NFATC1: variants seen among roughly 807,000 people sequenced by gnomAD.
NFATC1 encodes the protein nuclear factor of activated T cells 1.
In NFATC1, 22 loss-of-function variants were observed where a neutral mutation model predicts 76.0. The observed-to-expected ratio is 0.29, with a 90% CI of 0.21 to 0.41. The LOEUF (loss-of-function observed/expected upper bound fraction) is 0.41. NFATC1 is among the 10% of genes least tolerant of loss of function. The probability of loss-of-function intolerance (pLI) is 1.00; values close to 1 mark genes in which losing one functional copy is unlikely to be tolerated. For missense variants in NFATC1, 1,357 were observed against 1,337.7 expected, an observed-to-expected ratio of 1.01 and a Z score of -0.23; for synonymous variants, 704 against 613.1, an observed-to-expected ratio of 1.15 and a Z score of -2.19.
At chr18:79,474,084 G>A (rs1311386739) in intron 8 of NFATC1, among the ~76,000 whole-genome samples, 10 of 135,618 alleles carry the variant, frequency 7.4e-5, no homozygotes, top group Admixed American at 4.4e-4. Flanking sequence ...GTGTTCTCAC[G>A]CTCACTGTCG....
At chr18:79,500,668 G>A (rs1410066710) in intron 9 of NFATC1, among the ~76,000 whole-genome samples, 1 of 151,954 alleles carries the variant, frequency 6.6e-6, no homozygotes, top group Non-Finnish European at 1.5e-5. Flanking sequence ...ATGAAAGAGG[G>A]GACATTGCTA....
intron 2 of NFATC1, among the ~76,000 whole-genome samples, chr18:79,411,722 C>T (rs73492183): frequency 0.04 from 6,139 of 152,274 alleles, 402 homozygotes; most frequent in African/African-American, 0.14. Context: ...CCTCTGCCTC[C>T]GTCTGCGCGT....
intron 3 of NFATC1, among the ~76,000 whole-genome samples, chr18:79,443,347 A>T (rs2087059716): frequency 6.6e-6 from 1 of 152,208 alleles, no homozygotes; most frequent in Non-Finnish European, 1.5e-5. Flanking sequence ...CCTGAGAGCT[A>T]GGAAGACGAA....
At position 79,418,616 on chromosome 18, in the gene NFATC1, C is replaced by T. The variant is rs751714818; in HGVS notation, c.1226+7115C>T. On this transcript the variant is annotated intron_variant, in intron 2 of 9. Transcript: ENST00000427363. ...CCACAGCTCCCTGGAGAAGGCACTG[C>T]GTCTGCCAGCCTCCGCTGGTGAGGG... Among the ~76,000 whole-genome samples the T allele has an allele frequency of 2.0e-5, 3 of 152,218 alleles. No individual in the cohort carries two copies. In the South Asian group the frequency reaches 6.2e-4, roughly 32 times the overall value.
rs1555896595 is a variant in NFATC1 at position 79,400,257 on chromosome 18, G to GGGGGC, written c.127+3911_127+3915dup. 8 of 1,084,734 alleles carry GGGGGC rather than the reference G, an allele frequency of 7.4e-6. No individual in the cohort carries two copies. The South Asian group carries it at 1.2e-4, about 16-fold the overall frequency. 67.2% of individuals were successfully genotyped at this position (1,084,734 alleles called of 1,614,324 possible). ...TTTATGTAAACCCGGAAACGCCCCG[G>GGGGGC]GGGGCGGGGGCGGGGCGGGGACGGG... is the stretch of plus-strand genomic sequence containing the variant. On this transcript the variant is annotated intron_variant, in intron 1 of 9. Coordinates refer to ENST00000427363, the MANE Select transcript of NFATC1 (RefSeq NM_001278669.2).
chr18:79,453,397 ACGG>A (rs1389705891), intron 6 of NFATC1, among the ~76,000 whole-genome samples: 2 of 152,236 alleles, frequency 1.3e-5, no homozygotes, highest in East Asian at 3.9e-4. Context: ...AGTTGGTGCC[ACGG>A]CGCCATGGGT....
At chr18:79,413,578 A>T (rs1317216481) in intron 2 of NFATC1, among the ~76,000 whole-genome samples, 1 of 151,816 alleles carries the variant, frequency 6.6e-6, no homozygotes, top group African/African-American at 2.4e-5. Context: ...CTCTGTAAAG[A>T]CCCTCTCTCC....
In NFATC1 at chr18:79,524,341, G is replaced by A. The variant is rs907026841; in HGVS notation, c.2783-3187G>A. Among the ~76,000 whole-genome samples the A allele has an allele frequency of 2.0e-5, 3 of 152,224 alleles. No homozygotes were observed. Among genetic ancestry groups the A allele is most frequent in the African/African-American group, 4.8e-5 (2 of 41,456 alleles). ...GAGCACGGCTCCACGTACGGCTCTC[G>A]TCCGCGGTGTGGATGGGTGGGCGGT... is the stretch of plus-strand genomic sequence containing the variant. On this transcript the variant is annotated intron_variant, in intron 9 of 9. Coordinates refer to ENST00000427363, the MANE Select transcript of NFATC1 (RefSeq NM_001278669.2). This position sits in a 1 kb window ranked among gnomAD's most constrained non-coding sequence, Gnocchi z 7.2.
At position 79,517,671 on chromosome 18, in the gene NFATC1, G is replaced by T. The variant is rs147543693; in HGVS notation, c.2783-9857G>T. On this transcript the variant is annotated intron_variant, in intron 9 of 9. Coordinates refer to ENST00000427363, the MANE Select transcript of NFATC1 (RefSeq NM_001278669.2). ...AGTCCTGCAGGACGTTCTGATGTCT[G>T]ATAATTCTGAGGCCTGTGTCCTTGC... Among the ~76,000 whole-genome samples the T allele has an allele frequency of 1.5e-3, 233 of 152,340 alleles. 1 individual carries two copies. Among genetic ancestry groups the T allele is most frequent in the African/African-American group, 5.5e-3 (227 of 41,568 alleles).
chr18:79,518,004 C>G (rs2090425903), intron 9 of NFATC1, among the ~76,000 whole-genome samples: 1 of 152,204 alleles, frequency 6.6e-6, no homozygotes, highest in African/African-American at 2.4e-5. Flanking sequence ...AAGCCCAAAT[C>G]CAGTTCCTAA....
chr18:79,420,023 T>TG (rs374512990), intron 2 of NFATC1, among the ~76,000 whole-genome samples: 126 of 152,354 alleles, frequency 8.3e-4, no homozygotes, highest in African/African-American at 3.0e-3. Context: ...TAGTCGGCTT[T>TG]GGGGAGAGAC....
intron 2 of NFATC1, among the ~76,000 whole-genome samples, chr18:79,432,622 C>T (rs752924576): frequency 9.2e-5 from 14 of 152,210 alleles, no homozygotes; most frequent in Middle Eastern, 3.2e-3. Flanking sequence ...CTCCCAGAAA[C>T]GGACTCTGAT....
chr18:79,423,728 C>T (rs2086182659), intron 2 of NFATC1, among the ~76,000 whole-genome samples: 1 of 152,188 alleles, frequency 6.6e-6, no homozygotes, highest in African/African-American at 2.4e-5. Flanking sequence ...CACCCTGGCC[C>T]CAGTCACCTG....
chr18:79,492,886 GAA>G (rs1600913306), intron 9 of NFATC1, among the ~76,000 whole-genome samples: 1 of 96,598 alleles, frequency 1.0e-5, no homozygotes, highest in Admixed American at 9.8e-5. Context: ...AAAAAAAAAA[GAA>G]AAATGAATCC....
In NFATC1 at chr18:79,486,603, GC is replaced by G. The variant is rs2089505340; in HGVS notation, c.2450del (p.Pro817HisfsTer10). 6.3e-7 allele frequency: 1 copy of G among 1,591,724 alleles called. No homozygotes were observed. Among genetic ancestry groups the G allele is most frequent in the Non-Finnish European group, 8.5e-7 (1 of 1,173,462 alleles). ...VATHPGSPGQ[P>X]PPALLPQQVS... ...CCACGCACCCCGGCTCGCCCGGGCA[GC>G]CACCCCCGGCCCTGCTGCCACAGCA... On this transcript the variant is annotated frameshift_variant, in exon 9 of 10. Transcript: ENST00000427363. LOFTEE classifies it high-confidence loss of function.
chr18:79,522,651 C>T (rs890219259), intron 9 of NFATC1, among the ~76,000 whole-genome samples: 7 of 152,084 alleles, frequency 4.6e-5, no homozygotes, highest in African/African-American at 7.2e-5. Context: ...ACCTCAGATA[C>T]GCCAAGTTCC....
rs899344173 is a variant in NFATC1 at position 79,524,804 on chromosome 18, C to T, written c.2783-2724C>T. On this transcript the variant is annotated intron_variant, in intron 9 of 9. Coordinates refer to ENST00000427363, the MANE Select transcript of NFATC1 (RefSeq NM_001278669.2). This position sits in a 1 kb window ranked among gnomAD's most constrained non-coding sequence, Gnocchi z 7.2. ...GCTCTCCCACCGAGGCTCAGGTGCTCGTGGGCAGCAAGGGGAAGCCCCATG... is the reference window on the plus strand; with the variant it reads ...GCTCTCCCACCGAGGCTCAGGTGCTTGTGGGCAGCAAGGGGAAGCCCCATG... Among the ~76,000 whole-genome samples the T allele has an allele frequency of 2.6e-5, 4 of 152,038 alleles. No individual in the cohort carries two copies. The East Asian group carries it at 7.7e-4, about 29-fold the overall frequency.
At chr18:79,453,183 C>T (rs950478430) in intron 6 of NFATC1, among the ~76,000 whole-genome samples, 4 of 152,236 alleles carry the variant, frequency 2.6e-5, no homozygotes, top group Admixed American at 1.3e-4. Context: ...GGCGGAGAAA[C>T]ACTTCGCCCA....
rs2085649597 is a variant in NFATC1, at chr18:79,410,919, C to T, written c.644C>T (p.Thr215Met). ...TCTCCCTGCGTGTCTCCCAAGACCA[C>T]GGACCCCGAGGAGGGCTTTCCCCGC... Reference protein sequence around the residue: ...WQSPCVSPKTTDPEEGFPRGL... With the variant: ...WQSPCVSPKTMDPEEGFPRGL... The change falls in exon 2 of 10, where the codon ACG becomes ATG. Residue 215 changes from threonine to methionine, a missense_variant. By Grantham distance (81) the Thr-to-Met change is moderately conservative (BLOSUM62 -1). Transcript: ENST00000427363. The surrounding 1 kb of genome is among the most constrained non-coding windows in gnomAD (Gnocchi z 6.7). 6 of 1,606,062 alleles carry T rather than the reference C, an allele frequency of 3.7e-6. No individual in the cohort carries two copies. Among genetic ancestry groups the T allele is most frequent in the South Asian group, 1.1e-5 (1 of 90,460 alleles).
Sources: gnomAD v4.1 joint callset for allele counts (sites outside exome capture counted in the v4.1 genomes callset) on GRCh38, gnomAD v4.1.1 for gene constraint, Gnocchi (gnomAD v3.1) non-coding constraint, MANE v1.5 for transcripts, NCBI Gene and HGNC (gene_info 2026-07-23, HGNC 2026-07-21) for gene names.